PTPN14: variants seen among roughly 807,000 people sequenced by gnomAD.
PTPN14 encodes tyrosine-protein phosphatase non-receptor type 14.
A neutral mutation model predicts 126.8 loss-of-function variants in PTPN14; 53 were observed. The ratio of observed to expected loss-of-function variants is 0.42; its 90% CI spans 0.34 to 0.53. The LOEUF (loss-of-function observed/expected upper bound fraction) is 0.53. Among genes scored for constraint, PTPN14 ranks in the 20% least tolerant of loss-of-function variants. PTPN14 has a pLI of 0.08. For synonymous variants in PTPN14, 630 were observed against 599.3 expected (o/e 1.05, Z -0.75); for missense variants, 1,257 against 1,552.9 (o/e 0.81, Z 3.20).
intron 2 of PTPN14, among the ~76,000 whole-genome samples, chr1:214,455,045 T>C (rs1572010697): frequency 1.3e-5 from 2 of 152,330 alleles, no homozygotes; most frequent in East Asian, 3.9e-4. Context: ...GCTATTTTCC[T>C]ACTCTGGAGT....
rs1214005990 is a variant in PTPN14 at position 214,377,981 on chromosome 1, G to A, written c.2666C>T (p.Thr889Ile). 7 of 1,613,058 alleles carry A rather than the reference G, an allele frequency of 4.3e-6. No individual in the cohort carries two copies. The highest frequency in any genetic ancestry group is 1.7e-4 in the Middle Eastern group (1 of 6,052). ...TACCCTCTCGTCCATGGGAACCCGG[G>A]TGGCATCAACTCGATTCTCTTCCCG... ...SGREENRVDA[T>I]RVPMDERFRT... is the part of the protein sequence containing the mutation. Residue 889 changes from threonine (T) to isoleucine (I), a missense_variant, in exon 14 of 19, where the codon ACC becomes ATC. Physicochemically the swap from Thr to Ile is moderately conservative, Grantham distance 89 (BLOSUM62 -1). This residue lies in a region of PTPN14 where 1,021 missense variants were observed against 1,183.3 expected (regional missense o/e 0.86). Transcript: ENST00000366956.
At chr1:214,500,009 A>G (rs114838388) in intron 1 of PTPN14, among the ~76,000 whole-genome samples, 1 of 151,722 alleles carries the variant, frequency 6.6e-6, no homozygotes, top group African/African-American at 2.4e-5. Flanking sequence ...AAGCAACATC[A>G]TCTAGAATGA....
At chr1:214,510,366 C>T (rs1654944369) in intron 1 of PTPN14, among the ~76,000 whole-genome samples, 2 of 152,130 alleles carry the variant, frequency 1.3e-5, no homozygotes, top group Admixed American at 1.3e-4. Flanking sequence ...TAAGCACGTG[C>T]CGTTGGAAAA....
chr1:214,372,608 T>C (rs2102522037), intron 16 of PTPN14, 103 bp downstream of exon 16: 1 of 1,528,608 alleles, frequency 6.5e-7, no homozygotes, highest in East Asian at 2.3e-5. Context: ...GAAACAGCAC[T>C]GCAGGAAGAA....
intron 1 of PTPN14, among the ~76,000 whole-genome samples, chr1:214,485,934 GC>G: frequency 6.6e-6 from 1 of 152,210 alleles, no homozygotes; most frequent in African/African-American, 2.4e-5. Flanking sequence ...CACCATGTTA[GC>G]CAGGATGGTC....
At chr1:214,532,174 T>G in intron 1 of PTPN14, 1 of 326,126 alleles carries the variant, frequency 3.1e-6, no homozygotes, top group Non-Finnish European at 6.0e-6. Context: ...TCCTGTCCTC[T>G]CGTTCTCCTC....
intron 16 of PTPN14, among the ~76,000 whole-genome samples, chr1:214,370,724 C>T (rs1375095159): frequency 3.9e-5 from 6 of 152,102 alleles, no homozygotes; most frequent in Admixed American, 6.6e-5. Context: ...TTCAGCTTTG[C>T]ACCGTTTTAA....
intron 1 of PTPN14, chr1:214,531,805 G>GC (rs1655556593): frequency 6.6e-6 from 1 of 152,208 alleles, no homozygotes; most frequent in South Asian, 2.1e-4. Context: ...TTTACAGTTT[G>GC]TGGGGGGAAA....
At chr1:214,479,961 A>G (rs1308586340) in intron 1 of PTPN14, among the ~76,000 whole-genome samples, 2 of 152,124 alleles carry the variant, frequency 1.3e-5, no homozygotes, top group Admixed American at 1.3e-4. Flanking sequence ...GATATCTTTC[A>G]TTATTTATGA....
chr1:214,498,235 C>T (rs529597592), intron 1 of PTPN14, among the ~76,000 whole-genome samples: 1 of 152,342 alleles, frequency 6.6e-6, no homozygotes, highest in South Asian at 2.1e-4. Flanking sequence ...CTCCTCCTTG[C>T]TCTTTCCCTT....
intron 16 of PTPN14, chr1:214,372,157 T>C (rs992979631): frequency 6.4e-6 from 1 of 155,822 alleles, no homozygotes; most frequent in African/African-American, 2.4e-5. Flanking sequence ...TAGAGTTCTC[T>C]AGTTACAGCA....
At chr1:214,455,010 C>T (rs1423406869) in intron 2 of PTPN14, among the ~76,000 whole-genome samples, 1 of 152,178 alleles carries the variant, frequency 6.6e-6, no homozygotes, top group Non-Finnish European at 1.5e-5. Context: ...TCCATTCCCA[C>T]CCTACTCCTC....
intron 1 of PTPN14, chr1:214,533,217 A>T: frequency 1.5e-6 from 1 of 676,578 alleles, no homozygotes; most frequent in South Asian, 1.5e-5. Context: ...ACCTGGCGTC[A>T]GGGCTGGCCC....
intron 3 of PTPN14, among the ~76,000 whole-genome samples, chr1:214,426,724 C>T (rs1371289546): frequency 6.6e-6 from 1 of 152,178 alleles, no homozygotes; most frequent in Non-Finnish European, 1.5e-5. Flanking sequence ...TCATCCTAGA[C>T]TTAAGAACTT....
At chr1:214,495,423 C>T (rs1175312015) in intron 1 of PTPN14, among the ~76,000 whole-genome samples, 3 of 152,140 alleles carry the variant, frequency 2.0e-5, no homozygotes, top group African/African-American at 7.2e-5. Flanking sequence ...ATAAAAAGGA[C>T]ATGTGAAAGA....
chr1:214,455,189 A>G (rs993990001), intron 2 of PTPN14, among the ~76,000 whole-genome samples: 2 of 152,208 alleles, frequency 1.3e-5, no homozygotes, highest in Non-Finnish European at 2.9e-5. Context: ...CTTCCTGTGT[A>G]TTATCCAAGG....
chr1:214,394,716 T>C (rs565023276), intron 9 of PTPN14, among the ~76,000 whole-genome samples, 183 bp downstream of exon 9: 1 of 152,298 alleles, frequency 6.6e-6, no homozygotes, highest in South Asian at 2.1e-4. Flanking sequence ...ATTTTAAACA[T>C]GGGTATTTCA....
chr1:214,408,278 A>G (rs1659215938), intron 5 of PTPN14, among the ~76,000 whole-genome samples: 1 of 152,200 alleles, frequency 6.6e-6, no homozygotes, highest in South Asian at 2.1e-4. Context: ...GAAAGAGTTG[A>G]CGGAAAAAAT....
chr1:214,542,420 C>T (rs1007174790), intron 1 of PTPN14, among the ~76,000 whole-genome samples: 9 of 152,160 alleles, frequency 5.9e-5, no homozygotes, highest in African/African-American at 2.2e-4. Flanking sequence ...GGGGCAGCCT[C>T]AGCCTCACAG....
Sources: gnomAD v4.1 joint callset for allele counts (sites outside exome capture counted in the v4.1 genomes callset) on GRCh38, gnomAD v4.1.1 for gene constraint, gnomAD v4.1.1 regional missense constraint, MANE v1.5 for transcripts, NCBI Gene and HGNC (gene_info 2026-07-23, HGNC 2026-07-21) for gene names.